The following NWD2 variants were observed in gnomAD, a reference collection of about 807,000 sequenced individuals.
NWD2 encodes NACHT and WD repeat domain containing 2.
A neutral mutation model predicts 132.7 loss-of-function variants in NWD2; 37 were observed. The ratio of observed to expected loss-of-function variants is 0.28; its 90% CI spans 0.21 to 0.37. The LOEUF (loss-of-function observed/expected upper bound fraction) is 0.37. NWD2 is among the 10% of genes least tolerant of loss of function. The pLI, the probability that NWD2 is intolerant of heterozygous loss-of-function variation, is 1.00. For synonymous variants in NWD2, 705 were observed against 803.0 expected, an observed-to-expected ratio of 0.88 and a Z score of 2.06; for missense variants, 1,592 against 2,122.4, an observed-to-expected ratio of 0.75 and a Z score of 4.91.
chr4:37,434,964 T>A, intron 5 of NWD2, among the ~76,000 whole-genome samples: 1 of 152,022 alleles, frequency 6.6e-6, no homozygotes, highest in East Asian at 1.9e-4. Context: ...AGCTATTTGG[T>A]AGGCTCAAAT....
chr4:37,365,727 G>T (rs528366028), intron 3 of NWD2, among the ~76,000 whole-genome samples: 1 of 152,116 alleles, frequency 6.6e-6, no homozygotes, highest in African/African-American at 2.4e-5. Flanking sequence ...CAAGAGGGCC[G>T]TTGAAATAAT....
At chr4:37,389,796 T>C (rs926486235) in intron 3 of NWD2, among the ~76,000 whole-genome samples, 2 of 152,066 alleles carry the variant, frequency 1.3e-5, no homozygotes, top group South Asian at 4.2e-4. Flanking sequence ...TTTTTTTTTT[T>C]ACACAATGGA....
intron 1 of NWD2, among the ~76,000 whole-genome samples, chr4:37,318,242 G>C (rs929267624): frequency 6.6e-6 from 1 of 151,772 alleles, no homozygotes; most frequent in Non-Finnish European, 1.5e-5. Context: ...GGCCAGGCTG[G>C]TCTTGAACTC....
chr4:37,268,573 T>A (rs571276490), intron 1 of NWD2, among the ~76,000 whole-genome samples: 19 of 151,984 alleles, frequency 1.3e-4, no homozygotes, highest in African/African-American at 3.6e-4. Flanking sequence ...AGTACCTACT[T>A]TGAATGTTGA....
intron 3 of NWD2, among the ~76,000 whole-genome samples, chr4:37,371,673 G>A (rs1720232509): frequency 6.6e-6 from 1 of 152,190 alleles, no homozygotes; most frequent in Admixed American, 6.5e-5. Context: ...AGGGAACCAA[G>A]TGTTTCACCC....
chr4:37,356,919 A>G (rs1198835600), intron 3 of NWD2, among the ~76,000 whole-genome samples: 2 of 152,218 alleles, frequency 1.3e-5, no homozygotes, highest in Admixed American at 6.5e-5. Flanking sequence ...CAAATATACT[A>G]TGTCTCATCT....
intron 1 of NWD2, among the ~76,000 whole-genome samples, chr4:37,293,417 T>G (rs1170843759): frequency 6.6e-6 from 1 of 152,214 alleles, no homozygotes; most frequent in Non-Finnish European, 1.5e-5. Flanking sequence ...AGTAATTTAA[T>G]TCATTAGTGG....
intron 1 of NWD2, among the ~76,000 whole-genome samples, chr4:37,285,822 G>T (rs1043773965): frequency 3.3e-5 from 5 of 152,070 alleles, no homozygotes; most frequent in African/African-American, 1.2e-4. Flanking sequence ...AAATTCTGTG[G>T]TTCTCATTAA....
At chr4:37,305,456 C>T (rs925291500) in intron 1 of NWD2, among the ~76,000 whole-genome samples, 2 of 152,162 alleles carry the variant, frequency 1.3e-5, no homozygotes, top group African/African-American at 4.8e-5. Flanking sequence ...AACTTTTATT[C>T]TCTGTTTCCC....
intron 2 of NWD2, among the ~76,000 whole-genome samples, chr4:37,348,675 T>TATATATATATACACACAC (rs1308407988): frequency 8.9e-5 from 2 of 22,574 alleles, no homozygotes; most frequent in Non-Finnish European, 1.5e-4. Flanking sequence ...TATATATATA[T>TATATATATATACACACAC]ACACACACAC....
intron 3 of NWD2, among the ~76,000 whole-genome samples, chr4:37,403,335 G>GAGT (rs1173675970): frequency 1.3e-5 from 2 of 152,212 alleles, no homozygotes; most frequent in African/African-American, 4.8e-5. Flanking sequence ...CAATAAGAGA[G>GAGT]AGTGTTGTAA....
At chr4:37,267,437 A>G (rs1286315604) in intron 1 of NWD2, among the ~76,000 whole-genome samples, 1 of 152,008 alleles carries the variant, frequency 6.6e-6, no homozygotes, top group Non-Finnish European at 1.5e-5. Flanking sequence ...TAGCAACCCC[A>G]TCAGAGCCCA....
chr4:37,433,842 G>A (rs2109327218), intron 4 of NWD2, 34 bp from the exon 5 acceptor site: 1 of 1,482,740 alleles, frequency 6.7e-7, no homozygotes, highest in Non-Finnish European at 9.0e-7. Flanking sequence ...TTTGATGATT[G>A]TAAGACTAAT....
At chr4:37,442,080 CA>C (rs1712500763) in intron 6 of NWD2, among the ~76,000 whole-genome samples, 2 of 152,184 alleles carry the variant, frequency 1.3e-5, no homozygotes, top group Non-Finnish European at 2.9e-5. Context: ...TGAGGCTAAA[CA>C]ACAGCAACGA....
chr4:37,446,995 A>G lies in NWD2; in HGVS notation c.5007A>G (p.Ala1669=), dbSNP rs1358098463. The G allele has an allele frequency of 6.4e-7, 1 of 1,551,700 alleles. No individual in the cohort carries two copies. Among genetic ancestry groups the G allele is most frequent in the South Asian group, 1.2e-5 (1 of 84,046 alleles). ...ATAGCAGACAAATTTTCAACAATGC[A>G]ACACACACCTCCAGGCCAAAGTGTA... The part of the protein sequence containing the change: ...TSNSRQIFNN[A]THTSRPKCNS... The change falls in exon 7 of 7, where the codon GCA becomes GCG. Residue 1669 remains alanine, a synonymous_variant. Transcript: ENST00000309447. This position sits in a 1 kb window ranked among gnomAD's most constrained non-coding sequence, Gnocchi z 6.7.
chr4:37,337,090 C>G (rs1719425557), intron 2 of NWD2, among the ~76,000 whole-genome samples: 1 of 151,982 alleles, frequency 6.6e-6, no homozygotes, highest in Non-Finnish European at 1.5e-5. Context: ...TTCAAAACTG[C>G]TGTAGAACCA....
intron 1 of NWD2, among the ~76,000 whole-genome samples, chr4:37,295,139 G>T (rs1718448343): frequency 6.6e-6 from 1 of 151,852 alleles, no homozygotes; most frequent in Non-Finnish European, 1.5e-5. Flanking sequence ...TGCTTAAGAG[G>T]AAAAGGTAAG....
intron 1 of NWD2, among the ~76,000 whole-genome samples, chr4:37,315,233 G>A (rs1208794019): frequency 1.3e-5 from 2 of 152,008 alleles, no homozygotes; most frequent in Non-Finnish European, 2.9e-5. Context: ...ATGAGCACCA[G>A]TAAAGAATTG....
chr4:37,365,827 A>AT (rs1477289535), intron 3 of NWD2, among the ~76,000 whole-genome samples: 3 of 152,312 alleles, frequency 2.0e-5, no homozygotes, highest in African/African-American at 4.8e-5. Context: ...GTAAGAAAGC[A>AT]TTTTTTTATG....
Sources: gnomAD v4.1 joint callset for allele counts (sites outside exome capture counted in the v4.1 genomes callset) on GRCh38, gnomAD v4.1.1 for gene constraint, Gnocchi (gnomAD v3.1) non-coding constraint, MANE v1.5 for transcripts, NCBI Gene and HGNC (gene_info 2026-07-23, HGNC 2026-07-21) for gene names.